Variants in ADAMTS14 observed in about 807,000 individuals in gnomAD.
ADAMTS14 encodes the protein ADAM metallopeptidase with thrombospondin type 1 motif 14.
In ADAMTS14, 100 loss-of-function variants were observed where a neutral mutation model predicts 128.6. The ratio of observed to expected loss-of-function variants is 0.78; its 90% CI spans 0.66 to 0.92. The LOEUF (loss-of-function observed/expected upper bound fraction) is 0.92, where lower values mean the gene tolerates loss of function less well. ADAMTS14 is among the 40% of genes least tolerant of loss of function. ADAMTS14 has a pLI of 0.00. For synonymous variants in ADAMTS14, 665 were observed against 653.8 expected (o/e 1.02, Z -0.26); for missense variants, 1,562 against 1,658.6 (o/e 0.94, Z 1.01).
intron 21 of ADAMTS14, 151 bp downstream of exon 21, chr10:70,758,436 G>A (rs929673904): frequency 4.5e-6 from 3 of 659,456 alleles, no homozygotes; most frequent in Middle Eastern, 2.8e-4. Context: ...TTATGAAGTG[G>A]GGAGGAGGCT....
At chr10:70,702,815 C>T (rs766955127) in intron 3 of ADAMTS14, among the ~76,000 whole-genome samples, 7 of 152,132 alleles carry the variant, frequency 4.6e-5, no homozygotes, top group Non-Finnish European at 8.8e-5. Context: ...ATTGACTCAA[C>T]CCTTGGGAGC....
chr10:70,673,222 A>G (rs961796834), intron 1 of ADAMTS14, among the ~76,000 whole-genome samples: 1 of 151,308 alleles, frequency 6.6e-6, no homozygotes, highest in Non-Finnish European at 1.5e-5. Context: ...TTCTCTTTCA[A>G]TGTCTTTTCT....
chr10:70,754,089 G>T, intron 19 of ADAMTS14, 82 bp downstream of exon 19: 3 of 1,305,826 alleles, frequency 2.3e-6, no homozygotes, highest in Non-Finnish European at 3.1e-6. Flanking sequence ...GCAGGCAAGA[G>T]AGTTTCTGCC....
At chr10:70,700,358 T>G (rs1840457918) in intron 2 of ADAMTS14, among the ~76,000 whole-genome samples, 2 of 152,188 alleles carry the variant, frequency 1.3e-5, no homozygotes, top group Admixed American at 1.3e-4. Flanking sequence ...TGGTTTCTTT[T>G]GCACCCTAAC....
intron 2 of ADAMTS14, among the ~76,000 whole-genome samples, chr10:70,698,305 A>T (rs932277436): frequency 1.3e-5 from 2 of 152,156 alleles, no homozygotes; most frequent in Non-Finnish European, 2.9e-5. Flanking sequence ...ACTTTTCAGA[A>T]ATATAAACAT....
intron 3 of ADAMTS14, among the ~76,000 whole-genome samples, chr10:70,704,680 C>A (rs551185692): frequency 6.7e-6 from 1 of 148,876 alleles, no homozygotes; most frequent in East Asian, 2.0e-4. Flanking sequence ...AACACACGCT[C>A]ACAAACACAC....
At chr10:70,740,850 T>G in intron 11 of ADAMTS14, 137 bp from the exon 12 acceptor site, 1 of 879,586 alleles carries the variant, frequency 1.1e-6, no homozygotes, top group Non-Finnish European at 1.8e-6. Flanking sequence ...TGGGAGCCAT[T>G]CTCTGGTTTA....
intron 1 of ADAMTS14, among the ~76,000 whole-genome samples, chr10:70,673,414 C>T (rs916917685): frequency 6.6e-6 from 1 of 152,092 alleles, no homozygotes; most frequent in African/African-American, 2.4e-5. Context: ...CACTGTCAAA[C>T]GCTGTGGACA....
rs1203160957 is a variant in ADAMTS14, at chr10:70,708,685, C to T, written c.777C>T (p.Tyr259=). 4 of 1,613,590 alleles carry T rather than the reference C, an allele frequency of 2.5e-6. No individual in the cohort carries two copies. The highest frequency in any genetic ancestry group is 3.4e-6 in the Non-Finnish European group (4 of 1,179,816). ...GGCGGCATGCCAAGCCAGGCAGCTA[C>T]AGCATCGAGGTGCTGCTGGTGGTGG... is the stretch of plus-strand genomic sequence containing the variant. The part of the protein sequence containing the change: ...RKRRHAKPGS[Y]SIEVLLVVDD... The change falls in exon 4 of 22, where the codon TAC becomes TAT. Residue 259 remains tyrosine, a synonymous_variant. Coordinates refer to ENST00000373207, the MANE Select transcript of ADAMTS14 (RefSeq NM_080722.4).
intron 11 of ADAMTS14, among the ~76,000 whole-genome samples, chr10:70,739,507 G>A (rs1017844346): frequency 1.3e-5 from 2 of 151,770 alleles, no homozygotes; most frequent in Non-Finnish European, 2.9e-5. Flanking sequence ...CCCCTCTATA[G>A]GGACCTTCTC....
chr10:70,757,181 C>T (rs1303653122), intron 19 of ADAMTS14, among the ~76,000 whole-genome samples: 1 of 152,142 alleles, frequency 6.6e-6, no homozygotes, highest in Non-Finnish European at 1.5e-5. Flanking sequence ...TGAGGACCTC[C>T]ACATTCCCTG....
At chr10:70,732,563 C>A (rs984130900) in intron 7 of ADAMTS14, among the ~76,000 whole-genome samples, 3 of 152,234 alleles carry the variant, frequency 2.0e-5, no homozygotes, top group Admixed American at 1.3e-4. Flanking sequence ...AGCCAAGGGG[C>A]ATGAGTAGTA....
chr10:70,743,422 C>T (rs993960380), intron 12 of ADAMTS14, 126 bp from the exon 13 acceptor site: 1 of 1,180,066 alleles, frequency 8.5e-7, no homozygotes, highest in Non-Finnish European at 1.1e-6. Flanking sequence ...CCCCGTGCCA[C>T]ACCCAGTGCT....
Position 70,722,889 on chromosome 10 carries a change from C to T in ADAMTS14, c.871-6405C>T, listed in dbSNP as rs181390428. On this transcript the variant is annotated intron_variant, in intron 4 of 21. Transcript: ENST00000373207. ...TTCCAGTTTATTCATGTAGAGACTC[C>T]GTCTTCAAGGAGGTGGATTTTAACT... Among the ~76,000 whole-genome samples, 105 of 152,250 alleles carry T rather than the reference C, an allele frequency of 6.9e-4. No individual in the cohort carries two copies. In the Middle Eastern group the frequency reaches 0.01, roughly 15 times the overall value.
At chr10:70,726,592 A>C (rs577256100) in intron 4 of ADAMTS14, among the ~76,000 whole-genome samples, 1 of 152,256 alleles carries the variant, frequency 6.6e-6, no homozygotes, top group Non-Finnish European at 1.5e-5. Flanking sequence ...GCACTCAGGG[A>C]GGTCTGCAAC....
Position 70,672,827 on chromosome 10 carries a change from T to TCCTA in ADAMTS14, c.29_32dup (p.Leu12ProfsTer27). On this transcript the variant is annotated frameshift_variant, in exon 1 of 22. Coordinates refer to ENST00000373207, the MANE Select transcript of ADAMTS14 (RefSeq NM_080722.4). LOFTEE classifies it high-confidence loss of function. ...CATGGCTCCACTCCGCGCGCTGCTG[T>TCCTA]CCTACCTGCTGCCTTTGCACTGTGC... The TCCTA allele has an allele frequency of 6.6e-7, 1 of 1,517,350 alleles. No individual in the cohort carries two copies. Among genetic ancestry groups the TCCTA allele is most frequent in the Non-Finnish European group, 8.8e-7 (1 of 1,136,916 alleles). The allele number at this position is 1,517,350 out of a possible 1,614,324, so 94.0% of individuals were successfully genotyped here. A position where few individuals can be genotyped will look rare whatever the true frequency, so the allele number is the denominator to read the frequency against.
chr10:70,732,888 A>G (rs10999496), intron 7 of ADAMTS14, among the ~76,000 whole-genome samples: 31,596 of 152,162 alleles, frequency 0.21, 3,422 homozygotes, highest in Middle Eastern at 0.26. Flanking sequence ...GGTTTTGTTT[A>G]GAGTGTGTTC....
At chr10:70,714,262 G>T (rs973276479) in intron 4 of ADAMTS14, among the ~76,000 whole-genome samples, 4 of 152,224 alleles carry the variant, frequency 2.6e-5, no homozygotes, top group Non-Finnish European at 4.4e-5. Flanking sequence ...CTGGGAGCCA[G>T]ACTCTTTGTA....
intron 16 of ADAMTS14, 40 bp downstream of exon 16, chr10:70,750,025 C>T: frequency 5.6e-6 from 9 of 1,603,690 alleles, no homozygotes; most frequent in Non-Finnish European, 7.7e-6. Flanking sequence ...CTGCCCACCC[C>T]ACTTGTCCCC....
Sources: allele counts gnomAD v4.1 joint callset (sites outside exome capture counted in the v4.1 genomes callset), GRCh38; gene constraint gnomAD v4.1.1; transcripts MANE v1.5; gene names NCBI Gene and HGNC (gene_info 2026-07-23, HGNC 2026-07-21).